KMT2A: variants seen among roughly 807,000 people sequenced by gnomAD.
KMT2A encodes lysine methyltransferase 2A.
A neutral mutation model predicts 345.3 loss-of-function variants in KMT2A; 16 were observed. The ratio of observed to expected loss-of-function variants is 0.05; its 90% confidence interval spans 0.03 to 0.07. The LOEUF is 0.07. Ranked by LOEUF, KMT2A falls within the 10% of genes least tolerant of loss-of-function variation. The pLI is 1.00. For synonymous variants in KMT2A, 1,599 were observed against 1,778.6 expected, an observed-to-expected ratio of 0.90 and a Z score of 2.54; for missense variants, 3,272 against 4,841.6, an observed-to-expected ratio of 0.68 and a Z score of 9.62.
At position 118,493,002 on chromosome 11, in the gene KMT2A, A is replaced by G. The variant is rs782072736; in HGVS notation, c.5005-55A>G. 37 of 1,381,816 alleles carry G rather than the reference A, an allele frequency of 2.7e-5. No homozygotes were observed. The highest frequency in any genetic ancestry group is 7.5e-5 in the Admixed American group (4 of 53,114). 85.6% of individuals were successfully genotyped at this position (1,381,816 alleles called of 1,614,324 possible). A position where few individuals can be genotyped will look rare whatever the true frequency, so the allele number is the denominator to read the frequency against. On this transcript the variant is annotated intron_variant, in intron 15 of 35. Coordinates refer to ENST00000534358, the MANE Select transcript of KMT2A (RefSeq NM_001197104.2). This position sits in a 1 kb window ranked among gnomAD's most constrained non-coding sequence, Gnocchi z 5.8. ...CTTTATTAATTTTAATAGAATTTAC[A>G]TGGACACCTTGGTTTTAGTGTTAGA...
chr11:118,472,131 G>A lies in KMT2A; in HGVS notation c.972G>A (p.Leu324=). The change falls in exon 3 of 36, where the codon CTG becomes CTA. Residue 324 remains leucine, a synonymous_variant. Coordinates refer to ENST00000534358, the MANE Select transcript of KMT2A (RefSeq NM_001197104.2). ...TPSGLLINSE[L]EKPQKVRKDK... is the part of the protein sequence containing the mutation. ...CGGGTCTCCTCATTAATTCTGAACT[G>A]GAAAAGCCCCAGAAAGTCCGGAAAG... The A allele has an allele frequency of 6.2e-7, 1 of 1,613,916 alleles. No homozygotes were observed. Among genetic ancestry groups the A allele is most frequent in the Non-Finnish European group, 8.5e-7 (1 of 1,179,998 alleles).
intron 31 of KMT2A, among the ~76,000 whole-genome samples, chr11:118,515,812 C>G (rs1439243886): frequency 6.6e-6 from 1 of 151,720 alleles, no homozygotes; most frequent in Non-Finnish European, 1.5e-5. Flanking sequence ...CCTCAGCCTC[C>G]CGAGTAGCTG....
At chr11:118,470,068 T>G (rs1399143742) in intron 2 of KMT2A, among the ~76,000 whole-genome samples, 2 of 152,216 alleles carry the variant, frequency 1.3e-5, no homozygotes, top group Non-Finnish European at 2.9e-5. Context: ...GAGTAATGAT[T>G]TATAACCAGT....
intron 1 of KMT2A, among the ~76,000 whole-genome samples, chr11:118,461,702 G>A (rs1039624286): frequency 6.6e-6 from 1 of 152,048 alleles, no homozygotes; most frequent in Non-Finnish European, 1.5e-5. Context: ...CTCTCTTCAG[G>A]GCTGTCCAGG....
At position 118,448,881 on chromosome 11, in the gene KMT2A, A is replaced by G. The variant is rs1303671705; in HGVS notation, c.432+11937A>G. Reference sequence around the variant, plus strand: ...ATTATAAAGTTGGATGTCATTTGAGAAACTCTGGGAATTGGAAGTAGAACA... The same window carrying G: ...ATTATAAAGTTGGATGTCATTTGAGGAACTCTGGGAATTGGAAGTAGAACA... On this transcript the variant is annotated intron_variant, in intron 1 of 35. Transcript: ENST00000534358. The G allele has an allele frequency of 2.0e-5, 3 of 152,192 alleles. No homozygotes were observed. In the East Asian group the frequency reaches 5.8e-4, roughly 29 times the overall value. 9.4% of individuals were successfully genotyped at this position (152,192 alleles called of 1,614,324 possible).
chr11:118,478,662 G>C (rs1340310851), intron 5 of KMT2A, among the ~76,000 whole-genome samples: 1 of 152,066 alleles, frequency 6.6e-6, no homozygotes, highest in Non-Finnish European at 1.5e-5. Flanking sequence ...AAATTATGTT[G>C]ACCCAACAAA....
intron 8 of KMT2A, among the ~76,000 whole-genome samples, chr11:118,483,553 C>G (rs1221925747): frequency 6.6e-6 from 1 of 152,132 alleles, no homozygotes; most frequent in East Asian, 1.9e-4. Flanking sequence ...AAAGTTTAGG[C>G]TTTAGCCTGT....
intron 1 of KMT2A, among the ~76,000 whole-genome samples, chr11:118,443,955 T>A (rs1262375198): frequency 6.6e-6 from 1 of 152,258 alleles, no homozygotes; most frequent in African/African-American, 2.4e-5. Flanking sequence ...ACAAAAGATA[T>A]GAATCTTTCT....
At chr11:118,519,095 A>G (rs978958896) in intron 31 of KMT2A, among the ~76,000 whole-genome samples, 54 of 150,964 alleles carry the variant, frequency 3.6e-4, no homozygotes, top group African/African-American at 1.2e-3. Flanking sequence ...AAAAAAAAAA[A>G]AAAAGAAAAT....
rs1450486073 is a variant in KMT2A at position 118,509,968 on chromosome 11, G to A, written c.10921G>A (p.Glu3641Lys). 2.5e-6 allele frequency: 4 copies of A among 1,610,818 alleles called. No individual in the cohort carries two copies. The highest frequency in any genetic ancestry group is 3.4e-6 in the Non-Finnish European group (4 of 1,178,376). Reference protein sequence around the residue: ...ESAEPKTVEEEESNFSSPLML... With the variant: ...ESAEPKTVEEKESNFSSPLML... ...ATTAGAACCTAAAACAGTGGAAGAA[G>A]AGGAAAGTAATTTCAGCTCCCCACT... The change falls in exon 30 of 36, where the codon GAG (glutamate) becomes AAG (lysine). Residue 3641 changes from glutamate to lysine, a missense_variant. Coordinates refer to ENST00000534358, the MANE Select transcript of KMT2A (RefSeq NM_001197104.2).
intron 31 of KMT2A, among the ~76,000 whole-genome samples, chr11:118,513,313 T>G (rs1555050645): frequency 6.6e-6 from 1 of 152,094 alleles, no homozygotes; most frequent in African/African-American, 2.4e-5. Context: ...TGACTTTGTT[T>G]TATCCATATC....
intron 1 of KMT2A, among the ~76,000 whole-genome samples, chr11:118,464,333 C>T (rs1459986915): frequency 6.6e-6 from 1 of 152,126 alleles, no homozygotes; most frequent in Non-Finnish European, 1.5e-5. Flanking sequence ...GTGAGGAGTT[C>T]GAGACCAGCC....
intron 10 of KMT2A, among the ~76,000 whole-genome samples, chr11:118,485,207 A>G (rs1165884935): frequency 6.6e-6 from 1 of 152,204 alleles, no homozygotes; most frequent in Non-Finnish European, 1.5e-5. Flanking sequence ...TTCAGTCTTT[A>G]TTAGAGTTCT....
At chr11:118,488,209 TA>T (rs1361424016) in intron 10 of KMT2A, among the ~76,000 whole-genome samples, 3 of 151,948 alleles carry the variant, frequency 2.0e-5, no homozygotes, top group Non-Finnish European at 4.4e-5. Context: ...TTAAAACAAT[TA>T]AAAAAATAAA....
Position 118,482,022 on chromosome 11 carries a change from G to T in KMT2A, c.3942G>T (p.Pro1314=). The T allele has an allele frequency of 1.2e-6, 2 of 1,614,010 alleles. No individual in the cohort carries two copies. Among genetic ancestry groups the T allele is most frequent in the East Asian group, 2.2e-5 (1 of 44,888 alleles). Residue 1314 remains proline (P), a synonymous_variant, in exon 7 of 36, where the codon CCG becomes CCT. Transcript: ENST00000534358. ...VIPPQPPTTG[P]PRKEVPKTTP... is the part of the protein sequence containing the mutation. ...CGCCTCAGCCACCTACTACAGGACC[G>T]CCAAGAAAAGAAGTTCCCAAAACCA...
chr11:118,501,096 G>C lies in KMT2A; in HGVS notation c.6268G>C (p.Val2090Leu). The C allele has an allele frequency of 6.2e-7, 1 of 1,614,150 alleles. No individual in the cohort carries two copies. The highest frequency in any genetic ancestry group is 8.5e-7 in the Non-Finnish European group (1 of 1,180,012). Residue 2090 changes from valine to leucine, a missense_variant, in exon 25 of 36, where the codon GTT becomes CTT. Physicochemically the swap from Val to Leu is conservative, Grantham distance 32. Transcript: ENST00000534358. ...PVVEPDINST[V>L]EHDENRTIAH... ...CGTAGAGCCGGATATCAACAGCACT[G>C]TTGAACATGATGAAAACAGGACCAT...
At chr11:118,438,682 G>C (rs782070071) in intron 1 of KMT2A, among the ~76,000 whole-genome samples, 1 of 152,136 alleles carries the variant, frequency 6.6e-6, no homozygotes, top group Non-Finnish European at 1.5e-5. Flanking sequence ...GGAAGAAGGG[G>C]AGGGAGGAGA....
chr11:118,471,522 C>T (rs782359683), intron 2 of KMT2A, 140 bp from the exon 3 acceptor site: 1 of 474,908 alleles, frequency 2.1e-6, no homozygotes, highest in Non-Finnish European at 3.6e-6. Flanking sequence ...AAACTAAGCA[C>T]AATTAAGATG....
In KMT2A at chr11:118,438,876, C is replaced by T. The variant is rs556011318; in HGVS notation, c.432+1932C>T. On this transcript the variant is annotated intron_variant, in intron 1 of 35. Transcript: ENST00000534358. Reference sequence around the variant, plus strand: ...CTTGCTATGTAGCTAGCTGCAGCGTCCCCTTTCCCTGCCTCTTTCTGCTCT... The same window carrying T: ...CTTGCTATGTAGCTAGCTGCAGCGTTCCCTTTCCCTGCCTCTTTCTGCTCT... 1.2e-5 allele frequency: 4 copies of T among 338,052 alleles called. No homozygotes were observed. In the East Asian group the frequency reaches 2.2e-4, roughly 19 times the overall value. 20.9% of individuals were successfully genotyped at this position (338,052 alleles called of 1,614,324 possible). A position where few individuals can be genotyped will look rare whatever the true frequency, so the allele number is the denominator to read the frequency against.
Sources: allele counts gnomAD v4.1 joint callset (sites outside exome capture counted in the v4.1 genomes callset), GRCh38; gene constraint gnomAD v4.1.1; non-coding constraint Gnocchi (gnomAD v3.1); transcripts MANE v1.5; gene names NCBI Gene and HGNC (gene_info 2026-07-23, HGNC 2026-07-21).